Variants in TSHZ2 observed in about 807,000 individuals in gnomAD.
TSHZ2 encodes teashirt zinc finger homeobox 2.
In TSHZ2, 21 loss-of-function variants were observed where a neutral mutation model predicts 74.4. The ratio of observed to expected loss-of-function variants is 0.28; its 90% CI spans 0.20 to 0.41. The LOEUF is 0.41. TSHZ2 is among the 10% of genes least tolerant of loss of function. TSHZ2 has a pLI of 1.00. For synonymous variants in TSHZ2, 540 were observed against 515.3 expected, an observed-to-expected ratio of 1.05 and a Z score of -0.65; for missense variants, 1,244 against 1,293.5, an observed-to-expected ratio of 0.96 and a Z score of 0.59.
At chr20:53,302,918 G>A (rs1405369894) in intron 2 of TSHZ2, among the ~76,000 whole-genome samples, 1 of 152,282 alleles carries the variant, frequency 6.6e-6, no homozygotes, top group South Asian at 2.1e-4. Flanking sequence ...CCACGGCCAA[G>A]GTGGCTGGTA....
At chr20:52,978,822 G>A (rs1483596989) in intron 1 of TSHZ2, among the ~76,000 whole-genome samples, 1 of 152,108 alleles carries the variant, frequency 6.6e-6, no homozygotes, top group Non-Finnish European at 1.5e-5. Context: ...TTCTAATGTT[G>A]TGATAAATAC....
intron 2 of TSHZ2, among the ~76,000 whole-genome samples, chr20:53,261,828 T>C (rs967541711): frequency 5.3e-5 from 8 of 152,254 alleles, no homozygotes; most frequent in African/African-American, 9.6e-5. Context: ...AATTAGCTCA[T>C]ATTTTTTATA....
At position 53,220,590 on chromosome 20, in the gene TSHZ2, G is replaced by A. The variant is rs80064464; in HGVS notation, c.41-32909G>A. On this transcript the variant is annotated intron_variant, in intron 1 of 2. Coordinates refer to ENST00000371497, the MANE Select transcript of TSHZ2 (RefSeq NM_173485.6). Reference sequence around the variant, plus strand: ...ATGCATTGTCTATGGCTGGTATCACGCTAAGACAGCACAGCTGAGTCGTTG... The same window carrying A: ...ATGCATTGTCTATGGCTGGTATCACACTAAGACAGCACAGCTGAGTCGTTG... Among the ~76,000 whole-genome samples, 37 of 152,268 alleles carry A rather than the reference G, an allele frequency of 2.4e-4. No homozygotes were observed. The East Asian group carries it at 6.6e-3, about 27-fold the overall frequency.
chr20:53,086,625 T>C lies in TSHZ2; in HGVS notation c.40+113292T>C, dbSNP rs190821217. 5.4e-4 allele frequency among the ~76,000 whole-genome samples: 82 copies of C among 152,294 alleles called. 1 individual carries two copies. The highest frequency in any genetic ancestry group is 1.9e-3 in the African/African-American group (79 of 41,558). On this transcript the variant is annotated intron_variant, in intron 1 of 2. Coordinates refer to ENST00000371497, the MANE Select transcript of TSHZ2 (RefSeq NM_173485.6). Reference sequence around the variant, plus strand: ...AACCTCTCCCTGGTGGCCTTAACCATAAAATAGAAGTATGGACAGCTCTGT... The same window carrying C: ...AACCTCTCCCTGGTGGCCTTAACCACAAAATAGAAGTATGGACAGCTCTGT...
At chr20:53,338,275 G>T (rs572773803) in intron 2 of TSHZ2, among the ~76,000 whole-genome samples, 130 of 152,270 alleles carry the variant, frequency 8.5e-4, no homozygotes, top group African/African-American at 3.1e-3. Context: ...GTTGGAGGAG[G>T]ATTTAACCCT....
chr20:53,457,264 G>T (rs1985133605), intron 2 of TSHZ2, among the ~76,000 whole-genome samples: 1 of 144,358 alleles, frequency 6.9e-6, no homozygotes, highest in East Asian at 2.1e-4. Context: ...TCCTTGAAGA[G>T]GTCCTTCACA....
chr20:53,182,826 C>A (rs936753774), intron 1 of TSHZ2, among the ~76,000 whole-genome samples: 1 of 152,120 alleles, frequency 6.6e-6, no homozygotes, highest in Non-Finnish European at 1.5e-5. Flanking sequence ...AGGGATACAG[C>A]CTATGTGTGT....
intron 1 of TSHZ2, among the ~76,000 whole-genome samples, chr20:52,978,199 G>A (rs550800781): frequency 3.3e-5 from 5 of 152,132 alleles, no homozygotes; most frequent in Non-Finnish European, 5.9e-5. Flanking sequence ...CTTGGGAATT[G>A]TGCTGTCCAT....
At chr20:53,461,155 C>G (rs1448031646) in intron 2 of TSHZ2, among the ~76,000 whole-genome samples, 2 of 151,884 alleles carry the variant, frequency 1.3e-5, no homozygotes, top group African/African-American at 4.8e-5. Context: ...TGCCGCCTTG[C>G]AGTTTGATCT....
intron 1 of TSHZ2, among the ~76,000 whole-genome samples, chr20:53,123,045 G>A (rs948202931): frequency 7.2e-5 from 11 of 152,140 alleles, no homozygotes; most frequent in Non-Finnish European, 1.2e-4. Flanking sequence ...ACATGAATGG[G>A]TTGGAGACAA....
intron 1 of TSHZ2, among the ~76,000 whole-genome samples, chr20:53,025,528 G>A (rs1462560449): frequency 6.6e-6 from 1 of 152,180 alleles, no homozygotes; most frequent in Admixed American, 6.6e-5. Context: ...TAAGGAAGGA[G>A]CCAAGGATCA....
intron 2 of TSHZ2, among the ~76,000 whole-genome samples, chr20:53,334,731 G>A (rs938788923): frequency 1.3e-5 from 2 of 151,106 alleles, no homozygotes; most frequent in African/African-American, 4.9e-5. Flanking sequence ...GTCTCGCTCT[G>A]TCGCCCAGGC....
intron 1 of TSHZ2, among the ~76,000 whole-genome samples, chr20:53,147,753 G>A (rs1483276843): frequency 1.3e-5 from 2 of 152,154 alleles, no homozygotes. Context: ...GTCTCATTCT[G>A]TTGCCCAGTC....
chr20:53,074,901 C>A lies in TSHZ2; in HGVS notation c.40+101568C>A, dbSNP rs1985318544. Among the ~76,000 whole-genome samples, 1 of 152,196 alleles carries A rather than the reference C, an allele frequency of 6.6e-6. No individual in the cohort carries two copies. Among genetic ancestry groups the A allele is most frequent in the African/African-American group, 2.4e-5 (1 of 41,448 alleles). ...GTCATCCAGCTCATCAGAAAGAACC[C>A]CAACCCTCCCAAGGTATTTGACCTT... On this transcript the variant is annotated intron_variant, in intron 1 of 2. Coordinates refer to ENST00000371497, the MANE Select transcript of TSHZ2 (RefSeq NM_173485.6). The surrounding 1 kb of genome is among the most constrained non-coding windows in gnomAD (Gnocchi z 5.9).
intron 2 of TSHZ2, among the ~76,000 whole-genome samples, chr20:53,291,771 G>A (rs1250615844): frequency 6.6e-6 from 1 of 151,968 alleles, no homozygotes; most frequent in African/African-American, 2.4e-5. Flanking sequence ...CCCAGGTCAT[G>A]ATAAAATCCG....
At chr20:52,975,024 G>A (rs1429740318) in intron 1 of TSHZ2, among the ~76,000 whole-genome samples, 5 of 152,006 alleles carry the variant, frequency 3.3e-5, no homozygotes, top group Non-Finnish European at 7.4e-5. Context: ...GTCTCTTTCT[G>A]CATTTAACTC....
chr20:53,454,066 C>T (rs1984941308), intron 2 of TSHZ2, among the ~76,000 whole-genome samples: 1 of 152,192 alleles, frequency 6.6e-6, no homozygotes, highest in Admixed American at 6.5e-5. Context: ...AATGTCATCT[C>T]TTGTCTTTGC....
chr20:53,041,122 T>G lies in TSHZ2; in HGVS notation c.40+67789T>G, dbSNP rs539621006. Among the ~76,000 whole-genome samples the G allele has an allele frequency of 2.6e-5, 4 of 152,304 alleles. No homozygotes were observed. The South Asian group carries it at 8.3e-4, about 32-fold the overall frequency. On this transcript the variant is annotated intron_variant, in intron 1 of 2. Coordinates refer to ENST00000371497, the MANE Select transcript of TSHZ2 (RefSeq NM_173485.6). ...CTGAACCTTTTGCATATTTTATTAG[T>G]GAGGACTCTAAGTTTCGAGTGATTG...
chr20:53,441,945 T>C (rs1357902426), intron 2 of TSHZ2, among the ~76,000 whole-genome samples: 1 of 152,084 alleles, frequency 6.6e-6, no homozygotes, highest in South Asian at 2.1e-4. Flanking sequence ...CAGAAACAAA[T>C]TGCAAGCCGA....
Sources: allele counts gnomAD v4.1 joint callset (sites outside exome capture counted in the v4.1 genomes callset), GRCh38; gene constraint gnomAD v4.1.1; non-coding constraint Gnocchi (gnomAD v3.1); transcripts MANE v1.5; gene names NCBI Gene and HGNC (gene_info 2026-07-23, HGNC 2026-07-21).